The following CCDC61 variants were observed in gnomAD, a reference collection of about 807,000 sequenced individuals.
CCDC61 encodes the protein centrosomal protein CCDC61.
CCDC61 carries 55 observed loss-of-function variants against 63.0 expected under a neutral mutation model. The observed-to-expected ratio is 0.87, with a 90% CI of 0.70 to 1.09. The LOEUF (loss-of-function observed/expected upper bound fraction) is 1.09, where lower values mean the gene tolerates loss of function less well. Among genes scored for constraint, CCDC61 ranks in the 50% least tolerant of loss-of-function variants. The pLI is 0.00. For synonymous variants in CCDC61, 270 were observed against 317.0 expected (o/e 0.85, Z 1.58); for missense variants, 651 against 731.4 (o/e 0.89, Z 1.27).
chr19:46,008,556 G>A (rs111890714), intron 5 of CCDC61, among the ~76,000 whole-genome samples: 5 of 152,236 alleles, frequency 3.3e-5, no homozygotes, highest in East Asian at 3.9e-4. Context: ...TTACAGGCAC[G>A]CGCCACCATG....
chr19:46,009,650 G>A (rs1190863010), intron 5 of CCDC61, among the ~76,000 whole-genome samples: 1 of 152,226 alleles, frequency 6.6e-6, no homozygotes, highest in Non-Finnish European at 1.5e-5. Context: ...CCAGGACAGA[G>A]CGCTAAGTGC....
chr19:46,007,318 G>A (rs1306397589), intron 4 of CCDC61, among the ~76,000 whole-genome samples: 3 of 152,110 alleles, frequency 2.0e-5, no homozygotes, highest in African/African-American at 7.2e-5. Flanking sequence ...CAAAAGTACT[G>A]GGATTACAGG....
At chr19:46,007,981 G>A (rs974169718) in intron 4 of CCDC61, among the ~76,000 whole-genome samples, 159 bp from the exon 5 acceptor site, 1 of 152,216 alleles carries the variant, frequency 6.6e-6, no homozygotes, top group African/African-American at 2.4e-5. Context: ...AGGGGTCCGG[G>A]TACAGGGAGG....
rs748694696 is a variant in CCDC61, at chr19:46,018,349, T to C, written c.1501T>C (p.Leu501=). Residue 501 remains leucine, a synonymous_variant, in exon 14 of 14, where the codon TTG becomes CTG. Transcript: ENST00000595358. The surrounding 1 kb of genome is among the most constrained non-coding windows in gnomAD (Gnocchi z 4.2). Reference sequence around the variant, plus strand: ...CGAAATAGACGCACGCCTGAAGGCCTTGCAGGAGTACATGAACCGACTGGA... The same window carrying C: ...CGAAATAGACGCACGCCTGAAGGCCCTGCAGGAGTACATGAACCGACTGGA... The part of the protein sequence containing the change: ...MAEIDARLKA[L]QEYMNRLDMR... 4 of 1,576,662 alleles carry C rather than the reference T, an allele frequency of 2.5e-6. No individual in the cohort carries two copies. Among genetic ancestry groups the C allele is most frequent in the East Asian group, 2.4e-5 (1 of 42,412 alleles).
chr19:45,999,639 G>C (rs1036913384), intron 1 of CCDC61, among the ~76,000 whole-genome samples: 2 of 152,118 alleles, frequency 1.3e-5, no homozygotes, highest in Admixed American at 1.3e-4. Flanking sequence ...TCCGGCCCCG[G>C]GGTAAGAGCT....
intron 1 of CCDC61, 136 bp downstream of exon 1, chr19:45,995,640 C>T (rs967882994): frequency 8.3e-6 from 3 of 360,794 alleles, no homozygotes; most frequent in African/African-American, 2.1e-5. Flanking sequence ...GGGAGGGTGC[C>T]CTTTAACAAG....
intron 1 of CCDC61, among the ~76,000 whole-genome samples, chr19:46,002,747 A>G (rs67978203): frequency 0.17 from 26,255 of 152,170 alleles, 2,410 homozygotes; most frequent in Middle Eastern, 0.27. Context: ...TATCCAGCAC[A>G]TATTGGACAC....
chr19:46,002,993 C>A lies in CCDC61; in HGVS notation c.-11-15C>A. ...TCTGAGCTCCTCTAGGTTTCTCTCT[C>A]ATCTCCTTCTCCAGCAACCTTGGCC... is the stretch of plus-strand genomic sequence containing the variant. On this transcript the variant is annotated splice_polypyrimidine_tract_variant and intron_variant, in intron 1 of 13. Transcript: ENST00000595358. The A allele has an allele frequency of 6.4e-7, 1 of 1,552,134 alleles. No homozygotes were observed. Among genetic ancestry groups the A allele is most frequent in the South Asian group, 1.2e-5 (1 of 84,062 alleles).
chr19:45,999,931 C>A (rs1470822872), intron 1 of CCDC61: 2 of 760,124 alleles, frequency 2.6e-6, no homozygotes, highest in African/African-American at 1.9e-5. Flanking sequence ...GAAGGCACCG[C>A]TGGGATGCGT....
Position 46,018,194 on chromosome 19 carries a change from G to T in CCDC61, c.1441+44G>T, listed in dbSNP as rs368018055. The T allele has an allele frequency of 1.3e-6, 2 of 1,569,258 alleles. No homozygotes were observed. The highest frequency in any genetic ancestry group is 1.4e-5 in the African/African-American group (1 of 73,578). The stretch of plus-strand genomic sequence containing the variant: ...ATCCCCTCTCCCAGCCCCAGGACCC[G>T]TTGGAATGGTAGTGCGGGCAGTGGT... On this transcript the variant is annotated intron_variant, in intron 13 of 13. Coordinates refer to ENST00000595358, the MANE Select transcript of CCDC61 (RefSeq NM_001267723.2). The surrounding 1 kb of genome is among the most constrained non-coding windows in gnomAD (Gnocchi z 4.2).
Position 46,016,159 on chromosome 19 carries a change from C to A in CCDC61, c.951C>A (p.Ser317=), listed in dbSNP as rs1568697054. 1.5e-6 allele frequency: 2 copies of A among 1,297,246 alleles called. No individual in the cohort carries two copies. Among genetic ancestry groups the A allele is most frequent in the Non-Finnish European group, 2.0e-6 (2 of 1,025,544 alleles). The allele number at this position is 1,297,246 out of a possible 1,614,324, so 80.4% of individuals were successfully genotyped here. A position where few individuals can be genotyped will look rare whatever the true frequency, so the allele number is the denominator to read the frequency against. ...GCCGCGGCGCCGCGCGCTCCTCATCCCGGGAGAGCGGCCGCGGGAGCCGGG... is the reference window on the plus strand; with the variant it reads ...GCCGCGGCGCCGCGCGCTCCTCATCACGGGAGAGCGGCCGCGGGAGCCGGG... ...SRGRGAARSS[S]RESGRGSRGR... Residue 317 remains serine, a synonymous_variant, in exon 8 of 14, where the codon TCC becomes TCA. Transcript: ENST00000595358. The surrounding 1 kb of genome is among the most constrained non-coding windows in gnomAD (Gnocchi z 7.2).
At chr19:46,003,387 A>G in intron 2 of CCDC61, 32 bp from the exon 3 acceptor site, 1 of 1,599,142 alleles carries the variant, frequency 6.3e-7, no homozygotes, top group South Asian at 1.1e-5. Flanking sequence ...GCAAGCGGTC[A>G]GACCTCAGGA....
intron 5 of CCDC61, among the ~76,000 whole-genome samples, 154 bp from the exon 6 acceptor site, chr19:46,014,895 G>T (rs560865860): frequency 6.6e-6 from 1 of 152,200 alleles, no homozygotes; most frequent in Non-Finnish European, 1.5e-5. Flanking sequence ...CAGGGGATAT[G>T]ATAGGACCCT....
intron 5 of CCDC61, among the ~76,000 whole-genome samples, chr19:46,009,954 C>T (rs1968797191): frequency 6.6e-6 from 1 of 152,176 alleles, no homozygotes; most frequent in African/African-American, 2.4e-5. Context: ...GAACCAACCA[C>T]AGGAGCCTTG....
In CCDC61 at chr19:46,006,445, G is replaced by A. The variant is rs1249296347; in HGVS notation, c.232-114G>A. Reference sequence around the variant, plus strand: ...CATGTTGATTGCCAGCCTTCGCGTAGGAAAGCCTAGCCCGCCTAGAGAACG... The same window carrying A: ...CATGTTGATTGCCAGCCTTCGCGTAAGAAAGCCTAGCCCGCCTAGAGAACG... On this transcript the variant is annotated intron_variant, in intron 3 of 13. Coordinates refer to ENST00000595358, the MANE Select transcript of CCDC61 (RefSeq NM_001267723.2). 28 of 1,048,824 alleles carry A rather than the reference G, an allele frequency of 2.7e-5. No individual in the cohort carries two copies. In the East Asian group the frequency reaches 6.5e-4, roughly 24 times the overall value. The allele number at this position is 1,048,824 out of a possible 1,614,324, so 65.0% of individuals were successfully genotyped here.
chr19:46,003,536 G>C (rs779906072), intron 3 of CCDC61, 35 bp downstream of exon 3: 2 of 1,377,548 alleles, frequency 1.5e-6, no homozygotes, highest in East Asian at 4.6e-5. Context: ...GGTGGGAGGG[G>C]GGTTCTGTCT....
chr19:45,996,622 A>G (rs1373130767), intron 1 of CCDC61, among the ~76,000 whole-genome samples: 1 of 151,292 alleles, frequency 6.6e-6, no homozygotes, highest in Non-Finnish European at 1.5e-5. Context: ...TTGGTCTTGA[A>G]CTCGTGACCT....
In CCDC61 at chr19:46,008,300, C is replaced by A. The variant is rs762693470; in HGVS notation, c.550C>A (p.Gln184Lys). 4.8e-6 allele frequency: 7 copies of A among 1,453,748 alleles called. No homozygotes were observed. In the South Asian group the frequency reaches 5.8e-5, roughly 12 times the overall value. 90.1% of individuals were successfully genotyped at this position (1,453,748 alleles called of 1,614,324 possible). A position where few individuals can be genotyped will look rare whatever the true frequency, so the allele number is the denominator to read the frequency against. Residue 184 changes from glutamine to lysine, a missense_variant and splice_region_variant, in exon 5 of 14, where the codon CAG becomes AAG. Coordinates refer to ENST00000595358, the MANE Select transcript of CCDC61 (RefSeq NM_001267723.2). ...GAATGAGATCTGGCATCTGCGGGAG[C>A]AGTGAGTCTTGGAGGGGTGGGCAGC... is the stretch of plus-strand genomic sequence containing the variant. The part of the protein sequence containing the change: ...RENEIWHLRE[Q>K]VSRLASEKRE...
intron 1 of CCDC61, among the ~76,000 whole-genome samples, chr19:46,002,803 T>G (rs915558060): frequency 6.6e-5 from 10 of 152,178 alleles, no homozygotes; most frequent in African/African-American, 1.7e-4. Context: ...TATTGCCCAA[T>G]GTAATCCTCA....
Sources: gnomAD v4.1 joint callset for allele counts (sites outside exome capture counted in the v4.1 genomes callset) on GRCh38, gnomAD v4.1.1 for gene constraint, Gnocchi (gnomAD v3.1) non-coding constraint, MANE v1.5 for transcripts, NCBI Gene and HGNC (gene_info 2026-07-23, HGNC 2026-07-21) for gene names.